The following LARGE1 variants were observed in gnomAD, a reference collection of about 807,000 sequenced individuals.
The protein encoded by LARGE1 is xylosyl- and glucuronyltransferase LARGE1.
LARGE1 carries 43 observed loss-of-function variants against 87.6 expected under a neutral mutation model. The observed-to-expected ratio is 0.49, with a 90% CI of 0.38 to 0.63. LARGE1 has a LOEUF of 0.63. Among genes scored for constraint, LARGE1 ranks in the 30% least tolerant of loss-of-function variants. The pLI is 0.00. For missense variants in LARGE1, 802 were observed against 1,000.2 expected (o/e 0.80, Z 2.67); for synonymous variants, 434 against 394.6 (o/e 1.10, Z -1.18).
chr22:33,426,429 G>A lies in LARGE1; in HGVS notation c.892+5732C>T, dbSNP rs2066882057. ...ACAGTATTCTTTCAGAACACGAAGA[G>A]ATCTTAGTTCCTGACATCAGAGACA... On this transcript the variant is annotated intron_variant, in intron 7 of 14. Coordinates refer to ENST00000397394, the MANE Select transcript of LARGE1 (RefSeq NM_133642.5). 1.3e-5 allele frequency among the ~76,000 whole-genome samples: 2 copies of A among 152,174 alleles called. 1 individual carries two copies. Among genetic ancestry groups the A allele is most frequent in the African/African-American group, 4.8e-5 (2 of 41,450 alleles).
intron 2 of LARGE1, among the ~76,000 whole-genome samples, chr22:33,734,914 G>A (rs944836043): frequency 6.6e-6 from 1 of 152,088 alleles, no homozygotes; most frequent in Non-Finnish European, 1.5e-5. Context: ...ACATAATATC[G>A]AAGTTGGAAG....
At chr22:33,242,006 G>A (rs1210454492) in intron 11 of LARGE1, among the ~76,000 whole-genome samples, 1 of 152,060 alleles carries the variant, frequency 6.6e-6, no homozygotes, top group African/African-American at 2.4e-5. Context: ...GATCTTAAAT[G>A]TTTTCACCAT....
intron 1 of LARGE1, among the ~76,000 whole-genome samples, chr22:33,879,831 G>GT (rs2064614312): frequency 6.6e-6 from 1 of 152,300 alleles, no homozygotes; most frequent in South Asian, 2.1e-4. Context: ...ATTCATGTAG[G>GT]TATCTTCGGC....
intron 8 of LARGE1, 63 bp downstream of exon 8, chr22:33,384,129 T>G: frequency 1.7e-6 from 2 of 1,148,622 alleles, no homozygotes; most frequent in Non-Finnish European, 2.6e-6. Flanking sequence ...AATTTTAAGT[T>G]TCTTTGAGAA....
At chr22:33,761,308 T>C (rs2084720415) in intron 2 of LARGE1, 63 bp downstream of exon 2, 1 of 1,280,550 alleles carries the variant, frequency 7.8e-7, no homozygotes, top group South Asian at 1.2e-5. Context: ...TTTTCTAGGG[T>C]TCTATGACAG....
At chr22:33,276,242 G>C (rs1353581292) in intron 14 of LARGE1, among the ~76,000 whole-genome samples, 3 of 152,016 alleles carry the variant, frequency 2.0e-5, no homozygotes, top group Non-Finnish European at 4.4e-5. Context: ...AAGGCTGGAG[G>C]GACCGAGGAA....
intron 6 of LARGE1, among the ~76,000 whole-genome samples, chr22:33,556,685 C>T (rs1442578015): frequency 6.7e-6 from 1 of 149,562 alleles, no homozygotes; most frequent in African/African-American, 2.5e-5. Flanking sequence ...TCTGTGAACT[C>T]TCTGAAATTT....
At chr22:33,228,847 T>C (rs983542568) in intron 11 of LARGE1, among the ~76,000 whole-genome samples, 1 of 150,962 alleles carries the variant, frequency 6.6e-6, no homozygotes, top group African/African-American at 2.4e-5. Context: ...GGTGAGAGGG[T>C]GGAGAGATAG....
At chr22:33,333,057 A>C (rs111896350) in intron 10 of LARGE1, among the ~76,000 whole-genome samples, 17,324 of 147,972 alleles carry the variant, frequency 0.12, 2,564 homozygotes, top group African/African-American at 0.36. Context: ...CCCAGGCTGG[A>C]GTGCAGTGGC....
chr22:33,277,594 C>T (rs916299172), intron 13 of LARGE1, among the ~76,000 whole-genome samples: 3 of 152,246 alleles, frequency 2.0e-5, no homozygotes, highest in Middle Eastern at 3.4e-3. Flanking sequence ...GATTGGATGA[C>T]GGGTGCATCT....
At chr22:33,234,099 C>T (rs1213032909) in intron 11 of LARGE1, among the ~76,000 whole-genome samples, 1 of 152,222 alleles carries the variant, frequency 6.6e-6, no homozygotes, top group African/African-American at 2.4e-5. Context: ...AAGTCTTGCT[C>T]ATGTTACATA....
the LARGE1 span, among the ~76,000 whole-genome samples, chr22:33,129,696 A>G: frequency 6.6e-6 from 1 of 152,298 alleles, no homozygotes; most frequent in Middle Eastern, 3.4e-3. Flanking sequence ...AGAAACTTAC[A>G]ATCATGGTGG....
At chr22:33,338,058 T>C (rs575843667) in intron 9 of LARGE1, among the ~76,000 whole-genome samples, 11 of 152,318 alleles carry the variant, frequency 7.2e-5, no homozygotes, top group Admixed American at 7.2e-4. Context: ...TTTCCTCATC[T>C]GTGAAATGGG....
chr22:33,096,886 A>G, the LARGE1 span, among the ~76,000 whole-genome samples: 19 of 152,264 alleles, frequency 1.2e-4, no homozygotes, highest in Admixed American at 4.6e-4. Flanking sequence ...TTTTTAAAGT[A>G]TCTGGGTCTA....
intron 11 of LARGE1, among the ~76,000 whole-genome samples, chr22:33,197,423 TA>T (rs1158255182): frequency 4.2e-5 from 6 of 143,054 alleles, no homozygotes; most frequent in South Asian, 4.3e-4. Context: ...TTACTAGAGT[TA>T]AAAAGTGAAT....
At chr22:33,568,330 G>C (rs2078089087) in intron 5 of LARGE1, among the ~76,000 whole-genome samples, 1 of 152,212 alleles carries the variant, frequency 6.6e-6, no homozygotes, top group African/African-American at 2.4e-5. Flanking sequence ...GAGCGAAAGC[G>C]AGACTAGAGA....
intron 1 of LARGE1, among the ~76,000 whole-genome samples, chr22:33,834,914 T>C (rs1243030881): frequency 1.3e-5 from 2 of 152,204 alleles, no homozygotes; most frequent in Admixed American, 1.3e-4. Context: ...AAAGTTTCTA[T>C]CATGTTAATA....
intron 3 of LARGE1, among the ~76,000 whole-genome samples, chr22:33,640,972 G>A (rs927928132): frequency 2.0e-5 from 3 of 152,302 alleles, no homozygotes; most frequent in Admixed American, 6.5e-5. Flanking sequence ...TGGGGCAAAA[G>A]GTGGCTGTGG....
chr22:33,561,264 G>A (rs879489482), intron 6 of LARGE1, among the ~76,000 whole-genome samples: 12 of 152,068 alleles, frequency 7.9e-5, no homozygotes, highest in Non-Finnish European at 1.0e-4. Context: ...TTGAATTTGC[G>A]CCTTCCATTG....
Sources: gnomAD v4.1 joint callset for allele counts (sites outside exome capture counted in the v4.1 genomes callset) on GRCh38, gnomAD v4.1.1 for gene constraint, MANE v1.5 for transcripts, NCBI Gene and HGNC (gene_info 2026-07-23, HGNC 2026-07-21) for gene names.